TMCC1: variants seen among roughly 807,000 people sequenced by gnomAD.
TMCC1 encodes transmembrane and coiled-coil domain family 1.
In TMCC1, 15 loss-of-function variants were observed where a neutral mutation model predicts 52.4. The ratio of observed to expected loss-of-function variants is 0.29; its 90% CI spans 0.19 to 0.44. The LOEUF (loss-of-function observed/expected upper bound fraction) is 0.44, where lower values mean the gene tolerates loss of function less well. Ranked by LOEUF, TMCC1 falls within the 20% of genes least tolerant of loss-of-function variation. The pLI, the probability that TMCC1 is intolerant of heterozygous loss-of-function variation, is 1.00. For synonymous variants in TMCC1, 279 were observed against 301.9 expected (o/e 0.92, Z 0.79); for missense variants, 503 against 806.0 (o/e 0.62, Z 4.55).
intron 3 of TMCC1, among the ~76,000 whole-genome samples, chr3:129,829,941 G>A (rs2058833201): frequency 6.6e-6 from 1 of 152,080 alleles, no homozygotes; most frequent in African/African-American, 2.4e-5. Context: ...ATTCTTTCAT[G>A]CCTGTGATTC....
At chr3:129,805,401 A>C (rs1299582854) in intron 4 of TMCC1, among the ~76,000 whole-genome samples, 4 of 152,016 alleles carry the variant, frequency 2.6e-5, no homozygotes, top group Non-Finnish European at 5.9e-5. Context: ...GGGCTCAAAT[A>C]ATCTGCCTAC....
intron 4 of TMCC1, among the ~76,000 whole-genome samples, chr3:129,763,900 CT>C (rs2053865682): frequency 7.0e-6 from 1 of 143,138 alleles, no homozygotes; most frequent in Admixed American, 6.9e-5. Flanking sequence ...AGTCTACTTA[CT>C]TAAAAAAAAA....
At chr3:129,796,077 A>G (rs527485981) in intron 4 of TMCC1, among the ~76,000 whole-genome samples, 1 of 152,358 alleles carries the variant, frequency 6.6e-6, no homozygotes, top group African/African-American at 2.4e-5. Flanking sequence ...ATGACATTTC[A>G]GTTAACAACT....
chr3:129,838,720 T>C (rs2059280727), intron 2 of TMCC1, among the ~76,000 whole-genome samples: 1 of 113,450 alleles, frequency 8.8e-6, no homozygotes, highest in Admixed American at 1.3e-4. Context: ...GCCAATGCAC[T>C]CTAGCCTGGG....
chr3:129,707,855 C>T (rs1369665144), intron 4 of TMCC1, among the ~76,000 whole-genome samples: 4 of 151,812 alleles, frequency 2.6e-5, no homozygotes, highest in African/African-American at 4.8e-5. Context: ...CTGCTTGAAC[C>T]CAGGAGACGG....
At chr3:129,658,650 T>C (rs1366900567) in intron 5 of TMCC1, among the ~76,000 whole-genome samples, 3 of 152,164 alleles carry the variant, frequency 2.0e-5, no homozygotes, top group African/African-American at 4.8e-5. Context: ...ACAAATAACA[T>C]GAGGCAAGAA....
At chr3:129,878,929 T>C (rs554559052) in intron 2 of TMCC1, among the ~76,000 whole-genome samples, 15 of 152,292 alleles carry the variant, frequency 9.8e-5, no homozygotes, top group African/African-American at 2.6e-4. Flanking sequence ...TCTCAGGACA[T>C]GTACACTGTG....
chr3:129,677,754 G>C (rs1456048974), intron 4 of TMCC1, among the ~76,000 whole-genome samples: 1 of 152,146 alleles, frequency 6.6e-6, no homozygotes, highest in African/African-American at 2.4e-5. Flanking sequence ...AGAGCTGTTC[G>C]AATGATATAC....
chr3:129,813,005 A>G (rs375708548), intron 4 of TMCC1, among the ~76,000 whole-genome samples: 2 of 152,352 alleles, frequency 1.3e-5, no homozygotes, highest in African/African-American at 2.4e-5. Flanking sequence ...GGCAAACGAC[A>G]TGAACGAACA....
At chr3:129,854,284 T>C (rs920696479) in intron 2 of TMCC1, among the ~76,000 whole-genome samples, 2 of 150,852 alleles carry the variant, frequency 1.3e-5, no homozygotes, top group African/African-American at 4.9e-5. Context: ...CCCAGCTACT[T>C]AGGAGGCTAA....
At chr3:129,683,581 C>A (rs971342389) in intron 4 of TMCC1, among the ~76,000 whole-genome samples, 2 of 152,010 alleles carry the variant, frequency 1.3e-5, no homozygotes, top group Non-Finnish European at 2.9e-5. Flanking sequence ...GTTTTTAATT[C>A]TTTGTTTTGT....
intron 2 of TMCC1, among the ~76,000 whole-genome samples, chr3:129,859,639 AACACACACACATACAC>A (rs1020094780): frequency 1.7e-4 from 18 of 108,838 alleles, no homozygotes; most frequent in African/African-American, 6.1e-4. Context: ...CCTGTCTCAA[AACACACACACATACAC>A]ACACACACAC....
At chr3:129,864,907 T>C (rs1025531944) in intron 2 of TMCC1, among the ~76,000 whole-genome samples, 11 of 152,222 alleles carry the variant, frequency 7.2e-5, no homozygotes, top group Non-Finnish European at 1.5e-4. Flanking sequence ...AAGAATATGT[T>C]TGGCAACCAA....
chr3:129,723,591 T>C (rs1178255295), intron 4 of TMCC1, among the ~76,000 whole-genome samples: 1 of 152,098 alleles, frequency 6.6e-6, no homozygotes, highest in African/African-American at 2.4e-5. Flanking sequence ...AGGATGACAC[T>C]TACTCTGCAA....
At chr3:129,743,935 TAA>T (rs748095065) in intron 4 of TMCC1, among the ~76,000 whole-genome samples, 12 of 141,516 alleles carry the variant, frequency 8.5e-5, no homozygotes, top group Admixed American at 2.1e-4. Flanking sequence ...TGCACTTGTT[TAA>T]AAAAAAAAAA....
intron 1 of TMCC1, among the ~76,000 whole-genome samples, chr3:129,888,929 C>T (rs1244036907): frequency 6.6e-6 from 1 of 152,060 alleles, no homozygotes; most frequent in Non-Finnish European, 1.5e-5. Flanking sequence ...CATTCTTGGC[C>T]TAACCACAAT....
rs552949935 is a variant in TMCC1 at position 129,852,157 on chromosome 3, A to C, written c.-183-19331T>G. Among the ~76,000 whole-genome samples the C allele has an allele frequency of 1.8e-4, 28 of 152,122 alleles. No individual in the cohort carries two copies. In the South Asian group the frequency reaches 5.0e-3, roughly 27 times the overall value. On this transcript the variant is annotated intron_variant, in intron 2 of 6. Coordinates refer to ENST00000393238, the MANE Select transcript of TMCC1 (RefSeq NM_001017395.5). ...AACAGCGTGAGACCCTGTCTGAAAA[A>C]AGAAAAAACAAAGTGGTGACCAGGT...
At position 129,756,619 on chromosome 3, in the gene TMCC1, G is replaced by C. The variant is rs556038025; in HGVS notation, c.576+71184C>G. On this transcript the variant is annotated intron_variant, in intron 4 of 6. Coordinates refer to ENST00000393238, the MANE Select transcript of TMCC1 (RefSeq NM_001017395.5). ...TTCACCATGTTGGCCAGATGGTCTC[G>C]ATCTCTTGACATCGTGATCCACCCA... Among the ~76,000 whole-genome samples, 5 of 152,168 alleles carry C rather than the reference G, an allele frequency of 3.3e-5. No homozygotes were observed. The South Asian group carries it at 6.2e-4, about 19-fold the overall frequency.
chr3:129,800,083 G>T (rs2057089978), intron 4 of TMCC1, among the ~76,000 whole-genome samples: 1 of 152,062 alleles, frequency 6.6e-6, no homozygotes, highest in Non-Finnish European at 1.5e-5. Context: ...AATTAACTTT[G>T]CTTGTTCTTG....
Sources: allele counts gnomAD v4.1 joint callset (sites outside exome capture counted in the v4.1 genomes callset), GRCh38; gene constraint gnomAD v4.1.1; transcripts MANE v1.5; gene names NCBI Gene and HGNC (gene_info 2026-07-23, HGNC 2026-07-21).